ST6GAL2: variants seen among roughly 807,000 people sequenced by gnomAD.
The protein encoded by ST6GAL2 is ST6 beta-galactoside alpha-2,6-sialyltransferase 2, also known as beta-galactoside alpha-2,6-sialyltransferase 2.
In ST6GAL2, 24 loss-of-function variants were observed where a neutral mutation model predicts 37.5. That is an observed-to-expected ratio of 0.64 (90% CI 0.46 to 0.90). The LOEUF (loss-of-function observed/expected upper bound fraction) is 0.90. ST6GAL2 is among the 40% of genes least tolerant of loss of function. ST6GAL2 has a pLI of 0.00. For synonymous variants in ST6GAL2, 306 were observed against 295.1 expected (o/e 1.04, Z -0.38); for missense variants, 715 against 712.7 (o/e 1.00, Z -0.04).
chr2:106,813,092 T>C (rs1675668831), intron 5 of ST6GAL2: 1 of 1,250,228 alleles, frequency 8.0e-7, no homozygotes, highest in South Asian at 3.5e-5. Context: ...ACAGTATGAA[T>C]GTTAAGTTTC....
intron 2 of ST6GAL2, among the ~76,000 whole-genome samples, chr2:106,838,039 A>T (rs900490278): frequency 2.0e-5 from 3 of 152,148 alleles, no homozygotes; most frequent in African/African-American, 7.2e-5. Flanking sequence ...GTGCGCTGAG[A>T]CTGTCTCTCA....
intron 2 of ST6GAL2, among the ~76,000 whole-genome samples, chr2:106,836,115 C>T (rs991637447): frequency 2.0e-5 from 3 of 151,968 alleles, no homozygotes; most frequent in South Asian, 4.2e-4. Context: ...TTTAAAACAG[C>T]TTTTTTTCAA....
chr2:106,861,922 C>G (rs1396184759), intron 1 of ST6GAL2, among the ~76,000 whole-genome samples: 1 of 152,168 alleles, frequency 6.6e-6, no homozygotes, highest in African/African-American at 2.4e-5. Flanking sequence ...CATGAGCCAC[C>G]AATCCATTCA....
At chr2:106,886,541 C>T (rs1253761928), upstream of ST6GAL2, 1 of 151,806 alleles carries the variant, frequency 6.6e-6, no homozygotes, top group Non-Finnish European at 1.5e-5. Context: ...CCGCGCTGCA[C>T]GCCTCATTGT....
At chr2:106,817,006 T>C (rs1354398654) in intron 5 of ST6GAL2, among the ~76,000 whole-genome samples, 1 of 152,192 alleles carries the variant, frequency 6.6e-6, no homozygotes, top group Non-Finnish European at 1.5e-5. Context: ...CCAGAACCTA[T>C]GGAAGGAGCA....
chr2:106,879,473 T>C (rs1678651285), intron 1 of ST6GAL2, among the ~76,000 whole-genome samples: 1 of 152,108 alleles, frequency 6.6e-6, no homozygotes, highest in Non-Finnish European at 1.5e-5. Flanking sequence ...TTCTAACATA[T>C]CAAGTATTGA....
chr2:106,868,236 C>T (rs1011368933), intron 1 of ST6GAL2, among the ~76,000 whole-genome samples: 8 of 151,950 alleles, frequency 5.3e-5, no homozygotes, highest in Non-Finnish European at 8.8e-5. Flanking sequence ...GCCTGGAATA[C>T]GGTTAATTTT....
intron 5 of ST6GAL2, 152 bp downstream of exon 5, chr2:106,829,914 G>GAAA (rs5833213): frequency 1.5e-6 from 1 of 663,268 alleles, no homozygotes; most frequent in African/African-American, 1.9e-5. Flanking sequence ...TCTGAAATCT[G>GAAA]AAAAAAAAAA....
chr2:106,861,150 C>T (rs1677781583), intron 1 of ST6GAL2, among the ~76,000 whole-genome samples: 1 of 152,166 alleles, frequency 6.6e-6, no homozygotes, highest in Non-Finnish European at 1.5e-5. Flanking sequence ...GAAAATAGCA[C>T]AGCAAAGGGG....
chr2:106,839,779 A>G (rs936953564), intron 2 of ST6GAL2, among the ~76,000 whole-genome samples: 1 of 152,174 alleles, frequency 6.6e-6, no homozygotes, highest in Non-Finnish European at 1.5e-5. Flanking sequence ...ACATGTTTCC[A>G]CATGAATGCT....
intron 1 of ST6GAL2, among the ~76,000 whole-genome samples, chr2:106,878,825 T>C (rs1309273027): frequency 1.3e-5 from 2 of 152,146 alleles, no homozygotes; most frequent in Non-Finnish European, 2.9e-5. Context: ...GGGATGACTA[T>C]ATTTCTACAT....
chr2:106,806,830 C>T lies in ST6GAL2; in HGVS notation c.1438G>A (p.Gly480Arg), dbSNP rs1259672152. 3.1e-6 allele frequency: 5 copies of T among 1,614,000 alleles called. No individual in the cohort carries two copies. Among genetic ancestry groups the T allele is most frequent in the East Asian group, 2.2e-5 (1 of 44,878 alleles). ...ELYYDAACTL[G>R]AYHPLLYEKL... ...TCATAGAGTAGTGGGTGGTACGCCC[C>T]GAGGGTGCAGGCTGCGTCGTAGTAC... The change falls in exon 6 of 6, where the codon GGG becomes AGG. Residue 480 changes from glycine to arginine, a missense_variant. By Grantham distance (125) the Gly-to-Arg change is moderately radical (BLOSUM62 -2). Transcript: ENST00000409382.
At chr2:106,877,392 C>T (rs557988842) in intron 1 of ST6GAL2, among the ~76,000 whole-genome samples, 43 of 150,444 alleles carry the variant, frequency 2.9e-4, no homozygotes, top group Middle Eastern at 6.8e-3. Flanking sequence ...TATATACACA[C>T]GATAGAAGGC....
chr2:106,876,812 A>G (rs1678521323), intron 1 of ST6GAL2, among the ~76,000 whole-genome samples: 1 of 152,218 alleles, frequency 6.6e-6, no homozygotes, highest in Non-Finnish European at 1.5e-5. Context: ...AAAACAAGAC[A>G]GATAGGGTAA....
At chr2:106,846,572 A>G (rs1275116774) in intron 1 of ST6GAL2, among the ~76,000 whole-genome samples, 2 of 152,238 alleles carry the variant, frequency 1.3e-5, no homozygotes, top group African/African-American at 4.8e-5. Context: ...AACAACTGCA[A>G]CATTTTCAGA....
intron 5 of ST6GAL2, among the ~76,000 whole-genome samples, chr2:106,808,635 G>C (rs1675503556): frequency 6.6e-6 from 1 of 152,136 alleles, no homozygotes; most frequent in East Asian, 1.9e-4. Context: ...GTACCCCCCA[G>C]ATGCTCGAAA....
intron 5 of ST6GAL2, among the ~76,000 whole-genome samples, chr2:106,816,452 G>A (rs1184658945): frequency 1.3e-5 from 2 of 152,134 alleles, no homozygotes; most frequent in Non-Finnish European, 2.9e-5. Context: ...ATGCAACTTT[G>A]ACTCAGGTTT....
At chr2:106,883,118 T>G (rs1678819109) in intron 1 of ST6GAL2, among the ~76,000 whole-genome samples, 1 of 152,184 alleles carries the variant, frequency 6.6e-6, no homozygotes, top group African/African-American at 2.4e-5. Flanking sequence ...CAGGTCATAC[T>G]TCATCCCCTT....
intron 1 of ST6GAL2, among the ~76,000 whole-genome samples, chr2:106,876,552 C>T (rs66511537): frequency 0.24 from 36,909 of 152,074 alleles, 5,880 homozygotes; most frequent in Non-Finnish European, 0.36. Context: ...GCAGGTGACA[C>T]AAAACTAATC....
Sources: allele counts gnomAD v4.1 joint callset (sites outside exome capture counted in the v4.1 genomes callset), GRCh38; gene constraint gnomAD v4.1.1; transcripts MANE v1.5; gene names NCBI Gene and HGNC (gene_info 2026-07-23, HGNC 2026-07-21).